CLINT1: variants seen among roughly 807,000 people sequenced by gnomAD.
The protein encoded by CLINT1 is clathrin interactor 1.
Under a neutral mutation model 70.4 loss-of-function variants are expected in CLINT1, and 15 were observed. That is an observed-to-expected ratio of 0.21 (90% CI 0.14 to 0.33). The LOEUF (loss-of-function observed/expected upper bound fraction) is 0.33, where lower values mean the gene tolerates loss of function less well. Ranked by LOEUF, CLINT1 falls within the 10% of genes least tolerant of loss-of-function variation. CLINT1 has a pLI of 1.00. For synonymous variants in CLINT1, 227 were observed against 254.7 expected (o/e 0.89, Z 1.04); for missense variants, 615 against 778.1 (o/e 0.79, Z 2.49).
At chr5:157,806,962 AGGAG>A (rs1434723166) in intron 6 of CLINT1, among the ~76,000 whole-genome samples, 39 of 101,498 alleles carry the variant, frequency 3.8e-4, no homozygotes, top group African/African-American at 5.6e-4. Flanking sequence ...TGATGTAAGT[AGGAG>A]AGAGAGAGAG....
intron 1 of CLINT1, among the ~76,000 whole-genome samples, chr5:157,842,641 A>G (rs1753225645): frequency 6.6e-6 from 1 of 152,208 alleles, no homozygotes; most frequent in Admixed American, 6.5e-5. Context: ...TGCTTTGCAA[A>G]TATCAGCCAT....
chr5:157,842,572 C>T (rs1039106963), intron 1 of CLINT1, among the ~76,000 whole-genome samples: 3 of 152,162 alleles, frequency 2.0e-5, no homozygotes, highest in Admixed American at 6.5e-5. Context: ...CTAGAATATC[C>T]ATCCCACTTA....
chr5:157,792,389 T>C (rs1374392601), intron 9 of CLINT1, among the ~76,000 whole-genome samples: 4 of 151,886 alleles, frequency 2.6e-5, no homozygotes, highest in African/African-American at 9.7e-5. Flanking sequence ...CTACTAAAAA[T>C]ACAAAAAAAT....
chr5:157,838,367 C>T (rs556779176), intron 1 of CLINT1, among the ~76,000 whole-genome samples: 204 of 152,340 alleles, frequency 1.3e-3, no homozygotes, highest in African/African-American at 4.8e-3. Flanking sequence ...AAGTGATCCA[C>T]CTGCCTCGGC....
Position 157,792,014 on chromosome 5 carries a change from T to C in CLINT1, c.1088-19A>G, listed in dbSNP as rs1199301552. On this transcript the variant is annotated intron_variant, in intron 9 of 11. Coordinates refer to ENST00000411809, the MANE Select transcript of CLINT1 (RefSeq NM_014666.4). ...GCTGTTACTAAGACAGAAATAACTC[T>C]AAGGGTAAGAAACTTCATGGAATGC... The C allele has an allele frequency of 6.2e-7, 1 of 1,601,236 alleles. No individual in the cohort carries two copies. The highest frequency in any genetic ancestry group is 1.3e-5 in the African/African-American group (1 of 74,328).
At chr5:157,799,950 T>C (rs1260432292) in intron 8 of CLINT1, among the ~76,000 whole-genome samples, 1 of 152,170 alleles carries the variant, frequency 6.6e-6, no homozygotes, top group Admixed American at 6.5e-5. Flanking sequence ...TAGTATTGTA[T>C]ATGGGACCAT....
intron 8 of CLINT1, among the ~76,000 whole-genome samples, chr5:157,799,417 C>A (rs12189477): frequency 0.13 from 20,090 of 151,982 alleles, 1,542 homozygotes; most frequent in Non-Finnish European, 0.19. Context: ...ATTTGATATA[C>A]CTTAATCCTT....
intron 1 of CLINT1, chr5:157,823,794 G>A (rs752568408): frequency 3.4e-4 from 216 of 635,150 alleles, no homozygotes; most frequent in Non-Finnish European, 4.0e-4. Context: ...GTTGCGGACC[G>A]GCCTGTTGGG....
Position 157,814,171 on chromosome 5 carries a change from T to A in CLINT1, c.352+14A>T. 1 of 1,551,842 alleles carries A rather than the reference T, an allele frequency of 6.4e-7. No homozygotes were observed. Among genetic ancestry groups the A allele is most frequent in the East Asian group, 2.3e-5 (1 of 44,362 alleles). On this transcript the variant is annotated intron_variant, in intron 4 of 11. Coordinates refer to ENST00000411809, the MANE Select transcript of CLINT1 (RefSeq NM_014666.4). The stretch of plus-strand genomic sequence containing the variant: ...ACTGTTTTAATTTGCTTATAAGGTT[T>A]TTCTATTGCTTACCTACAAAGTGGT...
intron 1 of CLINT1, among the ~76,000 whole-genome samples, chr5:157,849,554 A>G: frequency 6.6e-6 from 1 of 152,230 alleles, no homozygotes; most frequent in East Asian, 1.9e-4. Context: ...GTATGCCTGT[A>G]TAACAATTTT....
At chr5:157,790,851 G>A (rs1160396784) in intron 10 of CLINT1, among the ~76,000 whole-genome samples, 1 of 152,078 alleles carries the variant, frequency 6.6e-6, no homozygotes, top group Non-Finnish European at 1.5e-5. Context: ...TTTTCTTTAT[G>A]AAAATGAAAG....
At chr5:157,805,275 C>A (rs1762352580) in intron 7 of CLINT1, among the ~76,000 whole-genome samples, 1 of 152,108 alleles carries the variant, frequency 6.6e-6, no homozygotes, top group Non-Finnish European at 1.5e-5. Flanking sequence ...TCTTTTGAGG[C>A]AAATCTCCCT....
intron 1 of CLINT1, among the ~76,000 whole-genome samples, chr5:157,822,594 A>G (rs1241960178): frequency 1.3e-5 from 2 of 152,184 alleles, no homozygotes; most frequent in African/African-American, 4.8e-5. Context: ...TCAAGGGTCA[A>G]CTATTCAGTT....
chr5:157,821,670 C>G (rs1174021551), intron 1 of CLINT1, among the ~76,000 whole-genome samples: 1 of 152,098 alleles, frequency 6.6e-6, no homozygotes, highest in Non-Finnish European at 1.5e-5. Flanking sequence ...GTTTCTCTGT[C>G]CTGATAAAGA....
intron 1 of CLINT1, among the ~76,000 whole-genome samples, chr5:157,854,313 A>G (rs565448705): frequency 3.9e-5 from 6 of 152,242 alleles, no homozygotes; most frequent in African/African-American, 1.4e-4. Context: ...ACCAGGCGCA[A>G]TGGCTCCCGC....
intron 11 of CLINT1, 42 bp downstream of exon 11, chr5:157,789,321 C>T (rs1486782265): frequency 6.4e-7 from 1 of 1,557,808 alleles, no homozygotes; most frequent in South Asian, 1.1e-5. Flanking sequence ...AGGCAAAAGA[C>T]TGCAAGTACA....
intron 1 of CLINT1, among the ~76,000 whole-genome samples, chr5:157,852,188 T>A (rs1753598549): frequency 6.6e-6 from 1 of 152,234 alleles, no homozygotes; most frequent in Admixed American, 6.5e-5. Context: ...CAAAACAAGC[T>A]GAACAAAATA....
chr5:157,819,421 C>G (rs1430688238), intron 1 of CLINT1, among the ~76,000 whole-genome samples: 1 of 152,174 alleles, frequency 6.6e-6, no homozygotes, highest in African/African-American at 2.4e-5. Context: ...CCCACCCCCC[C>G]TTAAAAATGT....
chr5:157,798,443 C>G (rs574893453), intron 8 of CLINT1, among the ~76,000 whole-genome samples: 2 of 152,026 alleles, frequency 1.3e-5, no homozygotes, highest in South Asian at 4.1e-4. Context: ...ATATTGTGAA[C>G]AAGAAAATAC....
Sources: gnomAD v4.1 joint callset for allele counts (sites outside exome capture counted in the v4.1 genomes callset) on GRCh38, gnomAD v4.1.1 for gene constraint, MANE v1.5 for transcripts, NCBI Gene and HGNC (gene_info 2026-07-23, HGNC 2026-07-21) for gene names.